The following EPB41L3 variants were observed in gnomAD, a reference collection of about 807,000 sequenced individuals.
EPB41L3 encodes the protein erythrocyte membrane protein band 4.1 like 3, also known as band 4.1-like protein 3.
A neutral mutation model predicts 127.1 loss-of-function variants in EPB41L3; 57 were observed. The observed-to-expected ratio is 0.45, with a 90% CI of 0.36 to 0.56. The LOEUF (loss-of-function observed/expected upper bound fraction) is 0.56. Ranked by LOEUF, EPB41L3 falls within the 20% of genes least tolerant of loss-of-function variation. The probability of loss-of-function intolerance (pLI) is 0.00; values close to 1 mark genes in which losing one functional copy is unlikely to be tolerated. For missense variants in EPB41L3, 1,273 were observed against 1,372.2 expected (o/e 0.93, Z 1.14); for synonymous variants, 572 against 549.5 (o/e 1.04, Z -0.57).
At chr18:5,479,511 G>A (rs1002630875) in intron 2 of EPB41L3, 2 of 151,850 alleles carry the variant, frequency 1.3e-5, no homozygotes, top group African/African-American at 4.8e-5. Context: ...AAGATATTTG[G>A]GTATATTTAT....
chr18:5,514,755 C>T lies in EPB41L3; in HGVS notation c.-11-25561G>A, dbSNP rs549236886. Among the ~76,000 whole-genome samples the T allele has an allele frequency of 7.2e-5, 11 of 152,202 alleles. No individual in the cohort carries two copies. In the South Asian group the frequency reaches 1.0e-3, roughly 14 times the overall value. On this transcript the variant is annotated intron_variant, in intron 1 of 22. Coordinates refer to ENST00000341928, the MANE Select transcript of EPB41L3 (RefSeq NM_012307.5). ...ATGCTGGAGGTTTAAAAAAAATAGA[C>T]GAAATGTTTCTCACTCCATATGTTT...
chr18:5,414,292 T>A (rs2076532554), intron 13 of EPB41L3, among the ~76,000 whole-genome samples: 1 of 152,188 alleles, frequency 6.6e-6, no homozygotes, highest in South Asian at 2.1e-4. Flanking sequence ...TTTCCATGTA[T>A]AAAAAGTTAT....
chr18:5,629,294 C>T (rs992767144), upstream of EPB41L3, among the ~76,000 whole-genome samples: 5 of 151,874 alleles, frequency 3.3e-5, no homozygotes, highest in African/African-American at 7.3e-5. Flanking sequence ...GCGGAGTTGC[C>T]GGGGTGCAGC....
chr18:5,549,908 C>A (rs1201057772), intron 3 of EPB41L3, among the ~76,000 whole-genome samples: 2 of 152,214 alleles, frequency 1.3e-5, no homozygotes, highest in African/African-American at 4.8e-5. Flanking sequence ...ATAATCTACA[C>A]TACACGATTC....
intron 1 of EPB41L3, chr18:5,539,754 C>G (rs1049839047): frequency 6.6e-6 from 1 of 152,182 alleles, no homozygotes; most frequent in African/African-American, 2.4e-5. Context: ...GAATTTCAGT[C>G]TTATCATTTA....
intron 2 of EPB41L3, among the ~76,000 whole-genome samples, chr18:5,482,133 G>T (rs2088681985): frequency 6.6e-6 from 1 of 152,094 alleles, no homozygotes; most frequent in African/African-American, 2.4e-5. Context: ...AAGCAATTCA[G>T]AAATTTATCA....
intron 2 of EPB41L3, chr18:5,614,338 G>C (rs1427764181): frequency 6.6e-6 from 1 of 152,132 alleles, no homozygotes; most frequent in Non-Finnish European, 1.5e-5. Flanking sequence ...ATGCATATCT[G>C]AATTGTACTT....
At chr18:5,491,677 T>C (rs1027759948) in intron 1 of EPB41L3, among the ~76,000 whole-genome samples, 1 of 152,224 alleles carries the variant, frequency 6.6e-6, no homozygotes, top group East Asian at 1.9e-4. Context: ...CCTTGTCATA[T>C]ATTTCCTAGG....
intron 21 of EPB41L3, 42 bp downstream of exon 21, chr18:5,395,025 T>C (rs1402963091): frequency 1.9e-6 from 3 of 1,592,344 alleles, no homozygotes; most frequent in Non-Finnish European, 2.6e-6. Flanking sequence ...CAGGTTTTTC[T>C]TTGTTTCTCT....
Position 5,394,770 on chromosome 18 carries a change from C to A in EPB41L3, c.3177G>T (p.Glu1059Asp). The A allele has an allele frequency of 1.2e-6, 2 of 1,614,134 alleles. No individual in the cohort carries two copies. Among genetic ancestry groups the A allele is most frequent in the Non-Finnish European group, 1.7e-6 (2 of 1,180,018 alleles). The change falls in exon 22 of 23, where the codon GAG becomes GAT. Residue 1059 changes from glutamate (E) to aspartate (D), a missense_variant. This residue lies in a region of EPB41L3 where 765 missense variants were observed against 782.9 expected (regional missense o/e 0.98). Coordinates refer to ENST00000341928, the MANE Select transcript of EPB41L3 (RefSeq NM_012307.5). Reference sequence around the variant, plus strand: ...ACATGTCAGGGTGCTGCTCTTTGGCCTCTTTAATTGCCTGAGCCAGCGCCT... The same window carrying A: ...ACATGTCAGGGTGCTGCTCTTTGGCATCTTTAATTGCCTGAGCCAGCGCCT... ...HDQALAQAIK[E>D]AKEQHPDMSV...
chr18:5,619,173 G>T (rs371157489), intron 1 of EPB41L3, among the ~76,000 whole-genome samples: 23 of 152,048 alleles, frequency 1.5e-4, no homozygotes, highest in African/African-American at 5.1e-4. Flanking sequence ...GTGGGGGCAG[G>T]GAAGGTGGGG....
chr18:5,594,099 C>A (rs1000368229), intron 3 of EPB41L3, among the ~76,000 whole-genome samples: 2 of 152,170 alleles, frequency 1.3e-5, no homozygotes, highest in Non-Finnish European at 2.9e-5. Context: ...CATAGGAAAT[C>A]ACAAGGGTAT....
chr18:5,561,787 A>T (rs2094138747), intron 3 of EPB41L3, among the ~76,000 whole-genome samples: 1 of 152,152 alleles, frequency 6.6e-6, no homozygotes, highest in Non-Finnish European at 1.5e-5. Flanking sequence ...CGCCACCTTA[A>T]CCAAGTGATC....
intron 3 of EPB41L3, among the ~76,000 whole-genome samples, chr18:5,602,315 C>T (rs2094600177): frequency 6.6e-6 from 1 of 152,152 alleles, no homozygotes; most frequent in African/African-American, 2.4e-5. Context: ...AGCTTATATA[C>T]AAATTGTTTC....
At position 5,609,342 on chromosome 18, in the gene EPB41L3, C is replaced by A. The variant is rs77697248; in HGVS notation, c.-306+2998G>T. On this transcript the variant is annotated intron_variant, in intron 3 of 21. Transcript: ENST00000545076. ...AACGCTTTACCTAGACTCTTTCTTA[C>A]CACATCCTTGAGAACTAGAAAAATA... is the stretch of plus-strand genomic sequence containing the variant. 3.7e-3 allele frequency among the ~76,000 whole-genome samples: 556 copies of A among 152,252 alleles called. 2 individuals carry two copies. The highest frequency in any genetic ancestry group is 0.02 in the Middle Eastern group (6 of 294).
intron 3 of EPB41L3, among the ~76,000 whole-genome samples, chr18:5,603,930 A>G (rs2094618552): frequency 6.6e-6 from 1 of 152,100 alleles, no homozygotes; most frequent in Non-Finnish European, 1.5e-5. Flanking sequence ...AAAAGTTAAC[A>G]TTTCCTGGAA....
chr18:5,445,021 A>G (rs1391502386), intron 4 of EPB41L3, 119 bp downstream of exon 4: 4 of 685,314 alleles, frequency 5.8e-6, no homozygotes, highest in African/African-American at 5.4e-5. Context: ...CTCAAAGTAG[A>G]AAGTGTGGGA....
chr18:5,544,535 C>T (rs1204703091), upstream of EPB41L3, among the ~76,000 whole-genome samples: 15 of 152,216 alleles, frequency 9.9e-5, no homozygotes, highest in Admixed American at 8.5e-4. Context: ...TCAGCTACTC[C>T]GTCCTCTCCA....
chr18:5,594,667 G>A (rs2094519838), intron 3 of EPB41L3, among the ~76,000 whole-genome samples: 1 of 152,298 alleles, frequency 6.6e-6, no homozygotes, highest in South Asian at 2.1e-4. Flanking sequence ...TAAAAAACCA[G>A]CTTTCTAAAT....
Sources: allele counts gnomAD v4.1 joint callset (sites outside exome capture counted in the v4.1 genomes callset), GRCh38; gene constraint gnomAD v4.1.1; regional missense constraint gnomAD v4.1.1; transcripts MANE v1.5; gene names NCBI Gene and HGNC (gene_info 2026-07-23, HGNC 2026-07-21).